PLXND1: variants seen among roughly 807,000 people sequenced by gnomAD.
PLXND1 encodes the protein plexin D1, also known as plexin-D1.
In PLXND1, 54 loss-of-function variants were observed where a neutral mutation model predicts 197.7. The ratio of observed to expected loss-of-function variants is 0.27; its 90% CI spans 0.22 to 0.34. PLXND1 has a LOEUF of 0.34. Among genes scored for constraint, PLXND1 ranks in the 10% least tolerant of loss-of-function variants. PLXND1 has a pLI of 1.00. For missense variants in PLXND1, 2,127 were observed against 2,699.2 expected (o/e 0.79, Z 4.70); for synonymous variants, 1,180 against 1,161.2 (o/e 1.02, Z -0.33).
In PLXND1 at chr3:129,606,618, C is replaced by T. The variant is rs1303859961; in HGVS notation, c.22G>A (p.Gly8Ser). The T allele has an allele frequency of 5.2e-5, 60 of 1,147,466 alleles. No homozygotes were observed. In the African/African-American group the frequency reaches 9.0e-4, roughly 17 times the overall value. The allele number at this position is 1,147,466 out of a possible 1,614,324, so 71.1% of individuals were successfully genotyped here. ...GCGGCCCGGGCGCTAAGGGGTGCGC[C>T]GCCCGCGGCGCGAGGAGCCATCCGG... MAPRAAG[G>S]APLSARAAAA... The change falls in exon 1 of 36, where the codon GGC (glycine) becomes AGC (serine). Residue 8 changes from glycine to serine, a missense_variant. Gly to Ser is a moderately conservative substitution (Grantham distance 56). This residue lies in a region of PLXND1 where 245 missense variants were observed against 267.1 expected (regional missense o/e 0.92). Transcript: ENST00000324093.
chr3:129,602,432 C>T (rs1027221781), intron 1 of PLXND1, among the ~76,000 whole-genome samples: 9 of 152,242 alleles, frequency 5.9e-5, no homozygotes, highest in African/African-American at 2.2e-4. Context: ...CCTCCTGCTC[C>T]TCCGCCCCCT....
Position 129,606,452 on chromosome 3 carries a change from G to A in PLXND1, c.188C>T (p.Ala63Val). 6.9e-7 allele frequency: 1 copy of A among 1,456,184 alleles called. No homozygotes were observed. Among genetic ancestry groups the A allele is most frequent in the South Asian group, 1.5e-5 (1 of 68,764 alleles). The allele number at this position is 1,456,184 out of a possible 1,614,324, so 90.2% of individuals were successfully genotyped here. Residue 63 changes from alanine to valine, a missense_variant, in exon 1 of 36, where the codon GCC (alanine) becomes GTC (valine). Physicochemically the swap from Ala to Val is moderately conservative, Grantham distance 64 (BLOSUM62 0). This residue lies in a region of PLXND1 where 245 missense variants were observed against 267.1 expected (regional missense o/e 0.92). Coordinates refer to ENST00000324093, the MANE Select transcript of PLXND1 (RefSeq NM_015103.3). ...FPSPTPTNNF[A>V]LDGAAGTVYL... ...CACGGTCCCCGCCGCGCCGTCCAGG[G>A]CGAAGTTGTTGGTGGGCGTGGGCGA...
chr3:129,589,307 G>GCCCCCCACCCCCCCCCCCCC, intron 2 of PLXND1, 44 bp downstream of exon 2: 1 of 684,688 alleles, frequency 1.5e-6, no homozygotes, highest in Non-Finnish European at 2.6e-6. Flanking sequence ...TCCCAGGGGA[G>GCCCCCCACCCCCCCCCCCCC]CCTCCCACCC....
At chr3:129,576,051 C>T (rs1177018184) in intron 9 of PLXND1, among the ~76,000 whole-genome samples, 196 bp from the exon 10 acceptor site, 1 of 152,226 alleles carries the variant, frequency 6.6e-6, no homozygotes, top group East Asian at 1.9e-4. Context: ...GGGAGGCAAG[C>T]AGTGCAGGAA....
intron 1 of PLXND1, among the ~76,000 whole-genome samples, chr3:129,601,387 G>A (rs1576284355): frequency 6.6e-6 from 1 of 152,200 alleles, no homozygotes; most frequent in Non-Finnish European, 1.5e-5. Flanking sequence ...GGAATGTCGG[G>A]AGGCCATCCT....
Position 129,573,477 on chromosome 3 carries a change from A to G in PLXND1, c.2837+117T>C. ...GGCACAGGCCTGGAGGCCACGAAGC[A>G]ACAGTCTTCCAGAAAGCAGCAGAGT... On this transcript the variant is annotated intron_variant, in intron 13 of 35. Transcript: ENST00000324093. The G allele has an allele frequency of 2.8e-6, 3 of 1,087,352 alleles. No individual in the cohort carries two copies. The South Asian group carries it at 4.4e-5, about 16-fold the overall frequency. The allele number at this position is 1,087,352 out of a possible 1,614,324, so 67.4% of individuals were successfully genotyped here. A position where few individuals can be genotyped will look rare whatever the true frequency, so the allele number is the denominator to read the frequency against.
At position 129,584,232 on chromosome 3, in the gene PLXND1, G is replaced by A. The variant is rs1383502175; in HGVS notation, c.2031C>T (p.Asp677=). The change falls in exon 7 of 36, where the codon GAC becomes GAT. Residue 677 remains aspartate, a splice_region_variant and synonymous_variant. Coordinates refer to ENST00000324093, the MANE Select transcript of PLXND1 (RefSeq NM_015103.3). ...TCACAGACATCTCAACAGTCACGTG[G>A]TCTGGAATGGATGGGGGAGCCAGGG... The part of the protein sequence containing the change: ...DQFPPFPPNQ[D]HVTVEMSVRV... 34 of 1,598,912 alleles carry A rather than the reference G, an allele frequency of 2.1e-5. No individual in the cohort carries two copies. The highest frequency in any genetic ancestry group is 2.9e-5 in the Non-Finnish European group (34 of 1,171,614).
chr3:129,586,340 C>A, intron 3 of PLXND1, 68 bp from the exon 4 acceptor site: 2 of 1,269,702 alleles, frequency 1.6e-6, no homozygotes, highest in South Asian at 2.6e-5. Flanking sequence ...GTGGTACGGT[C>A]AGCATGGTGC....
intron 31 of PLXND1, 24 bp from the exon 32 acceptor site, chr3:129,559,807 C>T (rs770482767): frequency 3.2e-6 from 5 of 1,565,778 alleles, no homozygotes; most frequent in East Asian, 2.3e-5. Flanking sequence ...GGGTGGCCGC[C>T]GTCAGCCCCG....
intron 8 of PLXND1, among the ~76,000 whole-genome samples, chr3:129,581,514 C>A (rs142623769): frequency 2.0e-5 from 3 of 152,334 alleles, no homozygotes; most frequent in Non-Finnish European, 4.4e-5. Flanking sequence ...TCTGGCCCAC[C>A]CACAGAGAGT....
chr3:129,589,331 A>AC lies in PLXND1; in HGVS notation c.1488+19dup. The stretch of plus-strand genomic sequence containing the variant: ...AGCCTCCCACCCCCACCCCCTCCCC[A>AC]CATCCCCAACCATACCTACCTTGAG... On this transcript the variant is annotated intron_variant, in intron 2 of 35. Transcript: ENST00000324093. 1 of 489,470 alleles carries AC rather than the reference A, an allele frequency of 2.0e-6. No homozygotes were observed. Among genetic ancestry groups the AC allele is most frequent in the South Asian group, 2.3e-5 (1 of 42,718 alleles). The allele number at this position is 489,470 out of a possible 1,614,324, so 30.3% of individuals were successfully genotyped here.
rs2085324438 is a variant in PLXND1, at chr3:129,577,122, T to C, written c.2346+1207A>G. Among the ~76,000 whole-genome samples, 1 of 152,074 alleles carries C rather than the reference T, an allele frequency of 6.6e-6. No individual in the cohort carries two copies. ...CGTTTTGTCCCCTGCCATGCTGAGC[T>C]GGAGATGGGTCCCTCCTCTTAGTCC... On this transcript the variant is annotated intron_variant, in intron 9 of 35. Transcript: ENST00000324093. The surrounding 1 kb of genome is among the most constrained non-coding windows in gnomAD (Gnocchi z 5.0).
Position 129,557,307 on chromosome 3 carries a change from C to A in PLXND1, c.5446-84G>T. 6.7e-7 allele frequency: 1 copy of A among 1,496,836 alleles called. No individual in the cohort carries two copies. The highest frequency in any genetic ancestry group is 9.2e-7 in the Non-Finnish European group (1 of 1,083,286). 92.7% of individuals were successfully genotyped at this position (1,496,836 alleles called of 1,614,324 possible). On this transcript the variant is annotated intron_variant, in intron 33 of 35. Transcript: ENST00000324093. The surrounding 1 kb of genome is among the most constrained non-coding windows in gnomAD (Gnocchi z 4.8). ...TTTTCTGGATGAGCCCTCATCCCTC[C>A]TGCCACATAAGTGACCTTAGCAGGC...
intron 9 of PLXND1, among the ~76,000 whole-genome samples, chr3:129,576,628 A>G (rs2085318011): frequency 1.3e-5 from 2 of 152,122 alleles, no homozygotes; most frequent in Admixed American, 1.3e-4. Flanking sequence ...CAGCTGGAAG[A>G]GCCCTGGCCT....
At chr3:129,587,480 C>T (rs2085478809) in intron 2 of PLXND1, among the ~76,000 whole-genome samples, 1 of 152,184 alleles carries the variant, frequency 6.6e-6, no homozygotes, top group South Asian at 2.1e-4. Flanking sequence ...GGTCAGAGCC[C>T]CACCAAACTC....
In PLXND1 at chr3:129,569,864, G is replaced by A. The variant is rs757703500; in HGVS notation, c.3844C>T (p.Leu1282=). The A allele has an allele frequency of 9.4e-6, 15 of 1,601,024 alleles. No individual in the cohort carries two copies. The highest frequency in any genetic ancestry group is 2.7e-5 in the African/African-American group (2 of 74,698). Reference sequence around the variant, plus strand: ...TTACCCACCACGGAGAGCAGCAGCAGGACGCTGCAGATGACGATGGACACG... The same window carrying A: ...TTACCCACCACGGAGAGCAGCAGCAAGACGCTGCAGATGACGATGGACACG... ...IIVSIVICSV[L]LLLSVVALFV... Residue 1282 remains leucine, a synonymous_variant, in exon 20 of 36, where the codon CTG becomes TTG. Coordinates refer to ENST00000324093, the MANE Select transcript of PLXND1 (RefSeq NM_015103.3).
In PLXND1 at chr3:129,606,542, AGCGGCACCGGGCACCGCG is replaced by A; in HGVS notation, c.80_97del (p.Pro27_Pro32del). 7.6e-7 allele frequency: 1 copy of A among 1,315,472 alleles called. No individual in the cohort carries two copies. Among genetic ancestry groups the A allele is most frequent in the South Asian group, 2.3e-5 (1 of 43,688 alleles). The allele number at this position is 1,315,472 out of a possible 1,614,324, so 81.5% of individuals were successfully genotyped here. On this transcript the variant is annotated inframe_deletion, in exon 1 of 36. Transcript: ENST00000324093. ...CGCCCCCAGGAGCAGCAGCAACAGCAGCGGCACCGGGCACCGCGGCGGCGTCTGGAACGGCGGGGGGCT... is the reference window on the plus strand; with the variant it reads ...CGCCCCCAGGAGCAGCAGCAACAGCAGCGGCGTCTGGAACGGCGGGGGGCT...
chr3:129,573,512 G>A (rs2108777696), intron 13 of PLXND1, 82 bp downstream of exon 13: 2 of 1,344,502 alleles, frequency 1.5e-6, no homozygotes, highest in Non-Finnish European at 1.0e-6. Context: ...TGAGGACAGA[G>A]GATGGGGAGG....
rs549004649 is a variant in PLXND1, at chr3:129,557,973, C to T, written c.5445+455G>A. Among the ~76,000 whole-genome samples the T allele has an allele frequency of 3.2e-4, 49 of 152,354 alleles. 1 individual carries two copies. Among genetic ancestry groups the T allele is most frequent in the African/African-American group, 1.1e-3 (47 of 41,592 alleles). On this transcript the variant is annotated intron_variant, in intron 33 of 35. Coordinates refer to ENST00000324093, the MANE Select transcript of PLXND1 (RefSeq NM_015103.3). This position sits in a 1 kb window ranked among gnomAD's most constrained non-coding sequence, Gnocchi z 4.8. ...CACAGCCTTGTGTGCCCCCAACACACCGCATGAATCTCAGAGCTCCTAGCC... is the reference window on the plus strand; with the variant it reads ...CACAGCCTTGTGTGCCCCCAACACATCGCATGAATCTCAGAGCTCCTAGCC...
Sources: gnomAD v4.1 joint callset for allele counts (sites outside exome capture counted in the v4.1 genomes callset) on GRCh38, gnomAD v4.1.1 for gene constraint, gnomAD v4.1.1 regional missense constraint, Gnocchi (gnomAD v3.1) non-coding constraint, MANE v1.5 for transcripts, NCBI Gene and HGNC (gene_info 2026-07-23, HGNC 2026-07-21) for gene names.